Variants in NAALADL2 observed in about 807,000 individuals in gnomAD.
The protein encoded by NAALADL2 is N-acetylated alpha-linked acidic dipeptidase like 2, also known as inactive N-acetylated-alpha-linked acidic dipeptidase-like protein 2.
A neutral mutation model predicts 87.2 loss-of-function variants in NAALADL2; 76 were observed. The observed-to-expected ratio is 0.87, with a 90% CI of 0.72 to 1.05. NAALADL2 has a LOEUF of 1.05. Ranked by LOEUF, NAALADL2 falls within the 50% of genes least tolerant of loss-of-function variation. The pLI, the probability that NAALADL2 is intolerant of heterozygous loss-of-function variation, is 0.00. For synonymous variants in NAALADL2, 354 were observed against 331.0 expected (o/e 1.07, Z -0.75); for missense variants, 1,089 against 945.8 (o/e 1.15, Z -1.99).
At chr3:175,160,727 T>G (rs918330372) in intron 2 of NAALADL2, among the ~76,000 whole-genome samples, 1 of 152,156 alleles carries the variant, frequency 6.6e-6, no homozygotes, top group Non-Finnish European at 1.5e-5. Context: ...AAAATATTTG[T>G]AACAAAGATA....
chr3:175,508,918 C>T lies in NAALADL2; in HGVS notation c.1653+37160C>T, dbSNP rs145379568. On this transcript the variant is annotated intron_variant, in intron 9 of 13. Coordinates refer to ENST00000454872, the MANE Select transcript of NAALADL2 (RefSeq NM_207015.3). ...ATCACCCGAGGTCAGGAGTTCAAGA[C>T]GAGCCTGGTCAACATGGTGAAACCC... is the stretch of plus-strand genomic sequence containing the variant. 3.4e-3 allele frequency among the ~76,000 whole-genome samples: 523 copies of T among 152,118 alleles called. 2 individuals are homozygous for T. Among genetic ancestry groups the T allele is most frequent in the Non-Finnish European group, 5.7e-3 (389 of 68,016 alleles).
At chr3:175,199,116 T>C (rs181562187) in intron 2 of NAALADL2, among the ~76,000 whole-genome samples, 142 of 152,288 alleles carry the variant, frequency 9.3e-4, no homozygotes, top group African/African-American at 3.2e-3. Context: ...GCAGGATGTG[T>C]GTTTTTATGT....
At chr3:175,136,681 GTTC>G (rs1308472421) in intron 2 of NAALADL2, among the ~76,000 whole-genome samples, 2 of 151,862 alleles carry the variant, frequency 1.3e-5, no homozygotes, top group Admixed American at 6.6e-5. Context: ...TAATGAGGGT[GTTC>G]TTCAAAAATG....
Position 175,803,188 on chromosome 3 carries a change from G to A in NAALADL2, c.2373G>A (p.Leu791=), listed in dbSNP as rs1266357071. 1.9e-6 allele frequency: 3 copies of A among 1,600,852 alleles called. No homozygotes were observed. Among genetic ancestry groups the A allele is most frequent in the Non-Finnish European group, 2.6e-6 (3 of 1,173,104 alleles). Residue 791 remains leucine (L), a synonymous_variant, in exon 14 of 14, where the codon TTG becomes TTA. Coordinates refer to ENST00000454872, the MANE Select transcript of NAALADL2 (RefSeq NM_207015.3). Reference sequence around the variant, plus strand: ...GACTTGATGTGTTCAAGAGTGTCTTGGATGGGAAGAATTGAGAAAACTCTG... The same window carrying A: ...GACTTGATGTGTTCAAGAGTGTCTTAGATGGGAAGAATTGAGAAAACTCTG... The part of the protein sequence containing the change: ...KAGLDVFKSV[L]DGKN
chr3:175,424,250 C>T (rs962625818), intron 5 of NAALADL2, among the ~76,000 whole-genome samples: 5 of 152,154 alleles, frequency 3.3e-5, no homozygotes, highest in African/African-American at 1.2e-4. Flanking sequence ...TGTGCAGAAG[C>T]TCTTTAGCTT....
chr3:174,789,022 C>T (rs896809085), intron 3 of NAALADL2, among the ~76,000 whole-genome samples: 10 of 152,104 alleles, frequency 6.6e-5, no homozygotes, highest in Middle Eastern at 3.2e-3. Flanking sequence ...ACTAGGTCTT[C>T]GATAGAACGA....
At chr3:174,874,230 T>C (rs1475630586) in intron 1 of NAALADL2, among the ~76,000 whole-genome samples, 1 of 152,184 alleles carries the variant, frequency 6.6e-6, no homozygotes, top group African/African-American at 2.4e-5. Flanking sequence ...GCACATGTTA[T>C]AGAAGTTATC....
At chr3:174,495,973 C>G (rs1024593234) in intron 1 of NAALADL2, among the ~76,000 whole-genome samples, 1 of 152,158 alleles carries the variant, frequency 6.6e-6, no homozygotes, top group African/African-American at 2.4e-5. Flanking sequence ...TCTGTATACA[C>G]TGAACTCTAT....
At chr3:174,824,137 A>G (rs939455804) in intron 3 of NAALADL2, among the ~76,000 whole-genome samples, 1 of 152,176 alleles carries the variant, frequency 6.6e-6, no homozygotes, top group African/African-American at 2.4e-5. Context: ...CTTACACTTT[A>G]TTAGGATCAT....
chr3:174,794,627 G>T (rs2109218058), intron 3 of NAALADL2, among the ~76,000 whole-genome samples: 1 of 152,210 alleles, frequency 6.6e-6, no homozygotes, highest in Middle Eastern at 3.4e-3. Flanking sequence ...TTAAATGTTA[G>T]ACACTACGGC....
chr3:175,678,337 G>A (rs1735106972), intron 11 of NAALADL2, among the ~76,000 whole-genome samples: 1 of 152,098 alleles, frequency 6.6e-6, no homozygotes, highest in Non-Finnish European at 1.5e-5. Context: ...TTATGACCTT[G>A]GATATCATTT....
At chr3:174,727,153 A>G (rs1327119641) in intron 2 of NAALADL2, among the ~76,000 whole-genome samples, 1 of 151,056 alleles carries the variant, frequency 6.6e-6, no homozygotes, top group East Asian at 1.9e-4. Context: ...ATATAAATAT[A>G]TGTTTGTGTG....
chr3:174,787,029 C>T (rs1250282855), intron 3 of NAALADL2, among the ~76,000 whole-genome samples: 1 of 145,156 alleles, frequency 6.9e-6, no homozygotes, highest in African/African-American at 2.6e-5. Flanking sequence ...TTTTATTATA[C>T]TGCAATATAA....
chr3:174,644,909 T>G (rs73882470), intron 2 of NAALADL2, among the ~76,000 whole-genome samples: 1,938 of 152,312 alleles, frequency 0.013, 47 homozygotes, highest in African/African-American at 0.044. Flanking sequence ...TGTTTAAAAA[T>G]TATTATTTCT....
chr3:174,649,935 C>G (rs985117884), intron 2 of NAALADL2, among the ~76,000 whole-genome samples: 1 of 152,058 alleles, frequency 6.6e-6, no homozygotes, highest in Non-Finnish European at 1.5e-5. Flanking sequence ...CAAAGCATTT[C>G]TTGCACTTCT....
chr3:174,688,374 T>C (rs1387980735), intron 2 of NAALADL2, among the ~76,000 whole-genome samples: 4 of 151,486 alleles, frequency 2.6e-5, no homozygotes, highest in East Asian at 1.9e-4. Flanking sequence ...AGAATTATCA[T>C]TAGAAATTCT....
At chr3:175,503,558 G>A (rs1456835951) in intron 9 of NAALADL2, among the ~76,000 whole-genome samples, 1 of 152,138 alleles carries the variant, frequency 6.6e-6, no homozygotes, top group Non-Finnish European at 1.5e-5. Flanking sequence ...CAATGTGTAA[G>A]TGTTCCTCTT....
chr3:174,905,028 G>C (rs557083177), intron 1 of NAALADL2, among the ~76,000 whole-genome samples: 1 of 151,614 alleles, frequency 6.6e-6, no homozygotes. Context: ...TAATTCTATA[G>C]CAGTTTTCTT....
At chr3:174,938,334 T>C (rs534240767) in intron 1 of NAALADL2, among the ~76,000 whole-genome samples, 1 of 152,152 alleles carries the variant, frequency 6.6e-6, no homozygotes, top group African/African-American at 2.4e-5. Context: ...GCTCTATCCA[T>C]GTTTCTGCAA....
Sources: gnomAD v4.1 joint callset for allele counts (sites outside exome capture counted in the v4.1 genomes callset) on GRCh38, gnomAD v4.1.1 for gene constraint, MANE v1.5 for transcripts, NCBI Gene and HGNC (gene_info 2026-07-23, HGNC 2026-07-21) for gene names.